Variants in UROS observed in about 807,000 individuals in gnomAD.
UROS encodes uroporphyrinogen-III synthase.
A neutral mutation model predicts 33.0 loss-of-function variants in UROS; 18 were observed. The observed-to-expected ratio is 0.55, with a 90% CI of 0.38 to 0.81. UROS has a LOEUF of 0.81. UROS is among the 30% of genes least tolerant of loss of function. The pLI is 0.00. For missense variants in UROS, 293 were observed against 314.9 expected (o/e 0.93, Z 0.53); for synonymous variants, 114 against 121.1 (o/e 0.94, Z 0.38).
chr10:125,799,277 G>A (rs1197715305), intron 6 of UROS, among the ~76,000 whole-genome samples: 15 of 152,186 alleles, frequency 9.9e-5, no homozygotes, highest in African/African-American at 3.4e-4. Flanking sequence ...TGTTAAATTC[G>A]TTAATAGATG....
At chr10:125,814,516 C>T (rs1233367571) in intron 4 of UROS, among the ~76,000 whole-genome samples, 1 of 152,228 alleles carries the variant, frequency 6.6e-6, no homozygotes, top group Non-Finnish European at 1.5e-5. Flanking sequence ...GTCTGACATA[C>T]AACAGGCACT....
chr10:125,819,037 T>G (rs967554073), intron 1 of UROS, among the ~76,000 whole-genome samples: 17 of 152,136 alleles, frequency 1.1e-4, no homozygotes, highest in Admixed American at 9.2e-4. Flanking sequence ...CAGGCTGGAG[T>G]GCAGTGGTGC....
At chr10:125,820,798 C>A (rs1853808040) in intron 1 of UROS, among the ~76,000 whole-genome samples, 1 of 152,236 alleles carries the variant, frequency 6.6e-6, no homozygotes, top group Non-Finnish European at 1.5e-5. Context: ...AGCCCATGCT[C>A]AGTCTCCTAA....
intron 6 of UROS, chr10:125,802,404 A>G (rs1851917752): frequency 1.0e-6 from 1 of 985,740 alleles, no homozygotes; most frequent in Non-Finnish European, 1.2e-6. Context: ...GCTGTTAAAG[A>G]AAATGACCCC....
rs571659850 is a variant in UROS at position 125,814,332 on chromosome 10, G to C, written c.244+702C>G. ...GCCTCCGCTCATCAGTGTAACTGTG[G>C]AGGTGGGTGGCCCGAGTGTGAGGCC... On this transcript the variant is annotated intron_variant, in intron 4 of 9. Coordinates refer to ENST00000368797, the MANE Select transcript of UROS (RefSeq NM_000375.3). Among the ~76,000 whole-genome samples the C allele has an allele frequency of 1.6e-4, 24 of 152,288 alleles. No homozygotes were observed. In the South Asian group the frequency reaches 5.0e-3, roughly 32 times the overall value.
intron 5 of UROS, among the ~76,000 whole-genome samples, chr10:125,810,370 G>A (rs903594814): frequency 6.6e-6 from 1 of 152,202 alleles, no homozygotes; most frequent in African/African-American, 2.4e-5. Context: ...CCTCTCGGGA[G>A]GCCCATGTGA....
intron 6 of UROS, among the ~76,000 whole-genome samples, chr10:125,799,715 C>A (rs1851657674): frequency 6.6e-6 from 1 of 152,146 alleles, no homozygotes; most frequent in Non-Finnish European, 1.5e-5. Flanking sequence ...GCACACAGGG[C>A]CCACAAATGT....
intron 6 of UROS, among the ~76,000 whole-genome samples, chr10:125,799,932 C>G (rs1851681792): frequency 6.6e-6 from 1 of 152,080 alleles, no homozygotes; most frequent in Non-Finnish European, 1.5e-5. Flanking sequence ...TATCTTCAGC[C>G]CCAACAGGCC....
At chr10:125,798,000 A>G in intron 7 of UROS, 65 bp downstream of exon 7, 1 of 1,587,700 alleles carries the variant, frequency 6.3e-7, no homozygotes, top group East Asian at 2.2e-5. Flanking sequence ...ACCCACTTCT[A>G]TCACTGCAAA....
At chr10:125,803,337 C>T (rs10901441) in intron 6 of UROS, among the ~76,000 whole-genome samples, 63,169 of 151,682 alleles carry the variant, frequency 0.42, 13,355 homozygotes, top group Non-Finnish European at 0.46. Context: ...GATAGCATTT[C>T]TGTTATGCCC....
intron 1 of UROS, 150 bp from the exon 2 acceptor site, chr10:125,816,675 T>C: frequency 1.4e-6 from 1 of 726,216 alleles, no homozygotes. Context: ...CTAATGGGCT[T>C]GTTCTTTCTG....
chr10:125,802,752 G>A, intron 6 of UROS: 4 of 1,417,850 alleles, frequency 2.8e-6, no homozygotes, highest in Non-Finnish European at 3.7e-6. Flanking sequence ...GCCCAGGTAG[G>A]GAGGGTAGGT....
At chr10:125,808,165 CT>C in intron 5 of UROS, among the ~76,000 whole-genome samples, 1 of 152,316 alleles carries the variant, frequency 6.6e-6, no homozygotes, top group East Asian at 1.9e-4. Flanking sequence ...ACAGCAAACA[CT>C]TGGCCACTCC....
chr10:125,818,529 G>A, intron 1 of UROS, among the ~76,000 whole-genome samples: 1 of 151,340 alleles, frequency 6.6e-6, no homozygotes, highest in Non-Finnish European at 1.5e-5. Context: ...AAAATTAAAA[G>A]GTTCTGTTGT....
At chr10:125,788,550 C>T, downstream of UROS, 3 of 1,262,628 alleles carry the variant, frequency 2.4e-6, no homozygotes, top group Non-Finnish European at 2.0e-6. Flanking sequence ...CAGCTTTGCA[C>T]TTAAAATGAC....
rs779323478 is a variant in UROS, at chr10:125,816,455, G to A, written c.45C>T (p.Gly15=). 1 of 1,614,174 alleles carries A rather than the reference G, an allele frequency of 6.2e-7. No individual in the cohort carries two copies. Among genetic ancestry groups the A allele is most frequent in the Non-Finnish European group, 8.5e-7 (1 of 1,180,028 alleles). The change falls in exon 2 of 10, where the codon GGC becomes GGT. Residue 15 remains glycine (G), a synonymous_variant. Transcript: ENST00000368797. The stretch of plus-strand genomic sequence containing the variant: ...CACTTACCCTGATATACGGATCCTG[G>A]CCACAGTCATCTTCCTTCGCATCCT... ...LLKDAKEDDC[G]QDPYIRELGL... is the part of the protein sequence containing the mutation.
rs187961473 is a variant in UROS, at chr10:125,811,744, T to C, written c.319+470A>G. On this transcript the variant is annotated intron_variant, in intron 5 of 9. Coordinates refer to ENST00000368797, the MANE Select transcript of UROS (RefSeq NM_000375.3). ...TTTTTAATGATTACTATTTACATTT[T>C]ATGCTTTAAGAAGAATAAATAGACT... 1.3e-3 allele frequency among the ~76,000 whole-genome samples: 205 copies of C among 152,220 alleles called. 4 individuals are homozygous for C. In the South Asian group the frequency reaches 0.027, roughly 20 times the overall value.
intron 1 of UROS, among the ~76,000 whole-genome samples, chr10:125,822,070 C>T (rs1013308772): frequency 1.9e-4 from 29 of 152,274 alleles, no homozygotes; most frequent in African/African-American, 6.7e-4. Flanking sequence ...CACACCATTC[C>T]TAGAATCAAA....
downstream of UROS, among the ~76,000 whole-genome samples, chr10:125,787,620 C>G (rs181458873): frequency 1.9e-3 from 284 of 152,242 alleles, 1 homozygote; most frequent in African/African-American, 6.5e-3. Context: ...TGATGTATAG[C>G]CAGGTTCTTA....
Sources: allele counts gnomAD v4.1 joint callset (sites outside exome capture counted in the v4.1 genomes callset), GRCh38; gene constraint gnomAD v4.1.1; transcripts MANE v1.5; gene names NCBI Gene and HGNC (gene_info 2026-07-23, HGNC 2026-07-21).